NPIPB2: variants seen among roughly 807,000 people sequenced by gnomAD.
NPIPB2 encodes nuclear pore complex interacting protein family member B2.
In NPIPB2, 27 loss-of-function variants were observed where a neutral mutation model predicts 30.8. That is an observed-to-expected ratio of 0.88 (90% CI 0.65 to 1.21). NPIPB2 has a LOEUF of 1.21. Among genes scored for constraint, NPIPB2 ranks in the 50% most tolerant of loss-of-function variants. The pLI is 0.00. For missense variants in NPIPB2, 440 were observed against 446.2 expected (o/e 0.99, Z 0.13); for synonymous variants, 147 against 162.0 (o/e 0.91, Z 0.70).
At chr16:11,941,704 C>G (rs983457686) in intron 1 of NPIPB2, 41 of 712,508 alleles carry the variant, frequency 5.8e-5, no homozygotes, top group Admixed American at 1.0e-4. Context: ...CTGATGACCC[C>G]GGTGGTGCCT....
At chr16:11,971,583 T>C (rs937175553) in intron 1 of NPIPB2, among the ~76,000 whole-genome samples, 1 of 151,926 alleles carries the variant, frequency 6.6e-6, no homozygotes, top group African/African-American at 2.4e-5. Flanking sequence ...CAACCTCTGC[T>C]TCCCAGGTTC....
intron 1 of NPIPB2, among the ~76,000 whole-genome samples, chr16:11,975,085 C>G (rs1286864212): frequency 1.5e-5 from 2 of 135,188 alleles, no homozygotes; most frequent in East Asian, 4.5e-4. Context: ...AAAAACAAAA[C>G]AAAACAAAAG....
intron 1 of NPIPB2, among the ~76,000 whole-genome samples, chr16:11,939,170 T>C (rs1445285218): frequency 6.7e-6 from 1 of 149,810 alleles, no homozygotes. Flanking sequence ...TTGGATTATA[T>C]GAATCTTTGT....
intron 1 of NPIPB2, among the ~76,000 whole-genome samples, chr16:11,969,899 C>T (rs889368684): frequency 4.6e-5 from 7 of 150,886 alleles, no homozygotes; most frequent in Non-Finnish European, 7.4e-5. Flanking sequence ...TGCTCTGTTG[C>T]CCAGGCTGGA....
chr16:11,953,432 TCCCAGG>T (rs1242215311), intron 1 of NPIPB2, among the ~76,000 whole-genome samples: 1,100 of 105,418 alleles, frequency 0.01, 14 homozygotes, highest in African/African-American at 0.079. Flanking sequence ...AACCTCCGCC[TCCCAGG>T]TTCCCAGGTT....
intron 1 of NPIPB2, chr16:11,956,174 GTCTC>G (rs746996426): frequency 2.6e-5 from 4 of 152,246 alleles, no homozygotes; most frequent in East Asian, 1.9e-4. Context: ...GGTCGTAGGT[GTCTC>G]TCTCTATTTC....
intron 1 of NPIPB2, among the ~76,000 whole-genome samples, chr16:11,970,523 T>C (rs1341583343): frequency 7.0e-6 from 1 of 143,578 alleles, no homozygotes; most frequent in Non-Finnish European, 1.6e-5. Flanking sequence ...TTCCAGTGTT[T>C]AAAATCAGCA....
chr16:11,963,901 G>A (rs1429013058), intron 1 of NPIPB2: 2 of 152,152 alleles, frequency 1.3e-5, no homozygotes, highest in African/African-American at 2.4e-5. Flanking sequence ...CAGGCGTGCT[G>A]GCGCATGTCT....
chr16:11,974,906 T>A (rs2055260603), intron 1 of NPIPB2, among the ~76,000 whole-genome samples: 1 of 151,656 alleles, frequency 6.6e-6, no homozygotes, highest in Non-Finnish European at 1.5e-5. Flanking sequence ...ACCCCGTCTC[T>A]ACTAAAAAAA....
chr16:11,938,458 G>A (rs1007096720), intron 1 of NPIPB2, among the ~76,000 whole-genome samples: 1 of 152,058 alleles, frequency 6.6e-6, no homozygotes. Flanking sequence ...AGCCTCCTGA[G>A]TAGCTGGGAG....
chr16:11,939,288 G>C (rs1464658720), intron 1 of NPIPB2, among the ~76,000 whole-genome samples: 1 of 151,820 alleles, frequency 6.6e-6, no homozygotes, highest in East Asian at 1.9e-4. Context: ...TGGGCCGGGC[G>C]TGGTGGCTCA....
chr16:11,965,174 C>A (rs1596506566), intron 1 of NPIPB2: 3 of 902,652 alleles, frequency 3.3e-6, no homozygotes, highest in East Asian at 4.9e-5. Context: ...AAGACACAGA[C>A]AGCCCCCGTA....
chr16:11,938,602 A>C (rs2054898346), intron 1 of NPIPB2, among the ~76,000 whole-genome samples: 1 of 151,950 alleles, frequency 6.6e-6, no homozygotes, highest in African/African-American at 2.4e-5. Flanking sequence ...AAGTGCTGGG[A>C]TTACAGGCAT....
chr16:11,930,532 A>G lies in NPIPB2; in HGVS notation c.508T>C (p.Cys170Arg), dbSNP rs575740545. ...TGCCTCTCCTTTTCTGCATGCTCAC[A>G]TTCTTTCACGCTTAGTTTCCTCAGA... The change falls in exon 5 of 8, where the codon TGT becomes CGT. Residue 170 changes from cysteine to arginine, a missense_variant. By Grantham distance (180) the Cys-to-Arg change is radical (BLOSUM62 -3). Around this residue, in one of 3 missense-constraint regions of NPIPB2, gnomAD observed 252 missense variants for 233.0 expected, o/e 1.08. Transcript: ENST00000399147. 8.2e-6 allele frequency: 13 copies of G among 1,586,856 alleles called. No individual in the cohort carries two copies. In the East Asian group the frequency reaches 1.3e-4, roughly 16 times the overall value.
In NPIPB2 at chr16:11,933,468, G is replaced by T. The variant is rs189221270; in HGVS notation, c.488+49C>A. On this transcript the variant is annotated intron_variant, in intron 4 of 7. Transcript: ENST00000399147. ...CAAGGACTTTACAGTTGTCTACTTTGATTGGCACATGGTTCATACAACAAT... is the reference window on the plus strand; with the variant it reads ...CAAGGACTTTACAGTTGTCTACTTTTATTGGCACATGGTTCATACAACAAT... 8 of 1,595,342 alleles carry T rather than the reference G, an allele frequency of 5.0e-6. No homozygotes were observed. In the East Asian group the frequency reaches 1.8e-4, roughly 36 times the overall value.
intron 1 of NPIPB2, chr16:11,967,893 A>C: frequency 6.3e-7 from 1 of 1,587,816 alleles, no homozygotes; most frequent in Non-Finnish European, 8.6e-7. Context: ...ATCTTTTGTC[A>C]GAATAGATGA....
chr16:11,965,317 T>C, intron 1 of NPIPB2: 1 of 1,614,150 alleles, frequency 6.2e-7, no homozygotes. Flanking sequence ...TGTTTTCTTT[T>C]TGTGATCATG....
chr16:11,939,199 A>T (rs2054906104), intron 1 of NPIPB2, among the ~76,000 whole-genome samples: 1 of 25,648 alleles, frequency 3.9e-5, no homozygotes, highest in Non-Finnish European at 1.7e-4. Flanking sequence ...TCTCAGCATA[A>T]GTAAAAAAAA....
rs539539248 is a variant in NPIPB2 at position 11,933,950 on chromosome 16, C to T, written c.193-26G>A. 9.7e-5 allele frequency: 145 copies of T among 1,502,340 alleles called. 3 individuals are homozygous for T. The highest frequency in any genetic ancestry group is 8.9e-4 in the South Asian group (79 of 88,954). 93.1% of individuals were successfully genotyped at this position (1,502,340 alleles called of 1,614,324 possible). ...CTAGGAAATAATAATATAAGAATGA[C>T]GGCTGGGCACGGTGGTTCATGCGTA... On this transcript the variant is annotated intron_variant, in intron 2 of 7. Transcript: ENST00000399147.
Sources: gnomAD v4.1 joint callset for allele counts (sites outside exome capture counted in the v4.1 genomes callset) on GRCh38, gnomAD v4.1.1 for gene constraint, gnomAD v4.1.1 regional missense constraint, MANE v1.5 for transcripts, NCBI Gene and HGNC (gene_info 2026-07-23, HGNC 2026-07-21) for gene names.